Variants in ZNF410 observed in about 807,000 individuals in gnomAD.
ZNF410 encodes another partner for ARF 1.
Under a neutral mutation model 54.8 loss-of-function variants are expected in ZNF410, and 18 were observed. The ratio of observed to expected loss-of-function variants is 0.33; its 90% CI spans 0.23 to 0.49. The LOEUF (loss-of-function observed/expected upper bound fraction) is 0.49. ZNF410 is among the 20% of genes least tolerant of loss of function. The pLI, the probability that ZNF410 is intolerant of heterozygous loss-of-function variation, is 0.99. For missense variants in ZNF410, 405 were observed against 569.6 expected (o/e 0.71, Z 2.94); for synonymous variants, 191 against 207.3 (o/e 0.92, Z 0.68).
chr14:73,894,492 G>GC, intron 3 of ZNF410: 1 of 686,528 alleles, frequency 1.5e-6, no homozygotes, highest in Non-Finnish European at 2.6e-6. Flanking sequence ...CGCAATCTTG[G>GC]CTCACTGCAA....
intron 5 of ZNF410, among the ~76,000 whole-genome samples, chr14:73,901,862 A>T (rs2055412588): frequency 6.6e-6 from 1 of 150,576 alleles, no homozygotes; most frequent in African/African-American, 2.4e-5. Flanking sequence ...TGAGTTGGGG[A>T]GGTCGAGGCT....
Position 73,886,859 on chromosome 14 carries a change from G to T in ZNF410, c.-206G>T, listed in dbSNP as rs554993055. 2 of 153,036 alleles carry T rather than the reference G, an allele frequency of 1.3e-5. No individual in the cohort carries two copies. Among genetic ancestry groups the T allele is most frequent in the Admixed American group, 1.3e-4 (2 of 15,314 alleles). The allele number at this position is 153,036 out of a possible 1,614,324, so 9.5% of individuals were successfully genotyped here. On this transcript the variant is annotated 5_prime_UTR_variant, in exon 1 of 12. Coordinates refer to ENST00000555044, the MANE Select transcript of ZNF410 (RefSeq NM_021188.3). ...CTTCCGGCGGGAGCCGGAAGACGCT[G>T]TGTGTGGACGGAATTCGGGACCGAC...
Position 73,905,033 on chromosome 14 carries a change from A to G in ZNF410, c.863A>G (p.Lys288Arg). 1 of 1,613,992 alleles carries G rather than the reference A, an allele frequency of 6.2e-7. No individual in the cohort carries two copies. Among genetic ancestry groups the G allele is most frequent in the Non-Finnish European group, 8.5e-7 (1 of 1,180,030 alleles). Residue 288 changes from lysine (K) to arginine (R), a missense_variant, in exon 7 of 12, where the codon AAG (lysine) becomes AGG (arginine). Physicochemically the swap from Lys to Arg is conservative, Grantham distance 26 (BLOSUM62 2). Around this residue, in one of 3 missense-constraint regions of ZNF410, gnomAD observed 247 missense variants for 342.8 expected, o/e 0.72. Coordinates refer to ENST00000555044, the MANE Select transcript of ZNF410 (RefSeq NM_021188.3). ...PFMCHESGCG[K>R]QFTTAGNLKN... ...ATGTGCCATGAGTCTGGCTGTGGTA[A>G]GCAGTTTACTACAGCTGGAAACCTG...
At chr14:73,916,253 G>C (rs2055665744) in intron 8 of ZNF410, 1 of 152,126 alleles carries the variant, frequency 6.6e-6, no homozygotes, top group Non-Finnish European at 1.5e-5. Flanking sequence ...TTTTCTATGA[G>C]GGTAATTATA....
At chr14:73,896,987 G>A (rs1358527341) in intron 4 of ZNF410, among the ~76,000 whole-genome samples, 1 of 152,122 alleles carries the variant, frequency 6.6e-6, no homozygotes, top group Non-Finnish European at 1.5e-5. Context: ...AGGCAAGTCT[G>A]GGACCCTGGG....
In ZNF410 at chr14:73,914,188, C is replaced by CT. The variant is rs199568432; in HGVS notation, c.1003+4767dup. 22 of 151,048 alleles carry CT rather than the reference C, an allele frequency of 1.5e-4. No homozygotes were observed. In the East Asian group the frequency reaches 2.5e-3, roughly 17 times the overall value. The allele number at this position is 151,048 out of a possible 1,614,324, so 9.4% of individuals were successfully genotyped here. On this transcript the variant is annotated intron_variant, in intron 8 of 11. Coordinates refer to ENST00000555044, the MANE Select transcript of ZNF410 (RefSeq NM_021188.3). ...GCTGGGACTACAGGCACATGCCCAG[C>CT]TTTTTTTTTGAGTCTCGCTGTGTTG...
chr14:73,894,782 G>T (rs981351264), intron 3 of ZNF410, among the ~76,000 whole-genome samples: 1 of 152,094 alleles, frequency 6.6e-6, no homozygotes, highest in Non-Finnish European at 1.5e-5. Context: ...AAGAGAAGGC[G>T]GTAAGATAGA....
intron 8 of ZNF410, chr14:73,915,717 C>T (rs1363019683): frequency 2.6e-5 from 4 of 152,080 alleles, no homozygotes; most frequent in African/African-American, 9.7e-5. Flanking sequence ...CCTTCTCTTC[C>T]TAGTATGTTG....
chr14:73,892,319 T>A (rs2055242462), intron 2 of ZNF410, 111 bp downstream of exon 2: 1 of 1,040,824 alleles, frequency 9.6e-7, no homozygotes, highest in Admixed American at 2.7e-5. Flanking sequence ...TAATAAATAT[T>A]TTAGGTTTTT....
intron 10 of ZNF410, 62 bp from the exon 11 acceptor site, chr14:73,923,333 G>A: frequency 6.5e-7 from 1 of 1,544,254 alleles, no homozygotes; most frequent in Admixed American, 2.0e-5. Context: ...GAGGCTTAAT[G>A]ATCCAGATAG....
intron 7 of ZNF410, among the ~76,000 whole-genome samples, chr14:73,908,781 T>C (rs1234240097): frequency 6.6e-6 from 1 of 152,200 alleles, no homozygotes; most frequent in African/African-American, 2.4e-5. Context: ...ATGAATTCAT[T>C]TGTCTGTCTC....
At chr14:73,918,058 A>G (rs1198625502) in intron 8 of ZNF410, among the ~76,000 whole-genome samples, 1 of 152,160 alleles carries the variant, frequency 6.6e-6, no homozygotes, top group Non-Finnish European at 1.5e-5. Context: ...TGCTATGTGA[A>G]TAGTTATGCT....
Position 73,904,948 on chromosome 14 carries a change from T to G in ZNF410, c.778T>G (p.Phe260Val). 1 of 1,614,210 alleles carries G rather than the reference T, an allele frequency of 6.2e-7. No homozygotes were observed. Among genetic ancestry groups the G allele is most frequent in the Non-Finnish European group, 8.5e-7 (1 of 1,180,040 alleles). Residue 260 changes from phenylalanine (F) to valine (V), a missense_variant, in exon 7 of 12, where the codon TTC becomes GTC. By Grantham distance (50) the Phe-to-Val change is conservative. Coordinates refer to ENST00000555044, the MANE Select transcript of ZNF410 (RefSeq NM_021188.3). The stretch of plus-strand genomic sequence containing the variant: ...TCCTGCAGAAGGTTGTGGGAAAAGC[T>G]TCTATGTGCTGCAGAGGCTGAAGGT... ...ICPAEGCGKS[F>V]YVLQRLKVHM...
chr14:73,913,858 T>C (rs2055623362), intron 8 of ZNF410: 1 of 152,214 alleles, frequency 6.6e-6, no homozygotes, highest in Admixed American at 6.5e-5. Flanking sequence ...CAAGTGGTAT[T>C]CCCACCTTGG....
chr14:73,905,309 GC>G (rs2055464403), intron 7 of ZNF410: 1 of 427,340 alleles, frequency 2.3e-6, no homozygotes, highest in African/African-American at 2.0e-5. Context: ...GTTTTCAGGA[GC>G]CTAACCTGCA....
intron 4 of ZNF410, 81 bp from the exon 5 acceptor site, chr14:73,897,990 A>AAG: frequency 3.4e-6 from 4 of 1,187,480 alleles, no homozygotes; most frequent in East Asian, 5.0e-5. Flanking sequence ...AAAAAAAAAA[A>AAG]GGGACATGGA....
intron 4 of ZNF410, 67 bp downstream of exon 4, chr14:73,896,601 A>T: frequency 8.5e-7 from 1 of 1,182,262 alleles, no homozygotes; most frequent in Admixed American, 2.2e-5. Context: ...GGCATATTTA[A>T]CTTAGTCATA....
At chr14:73,900,947 A>G (rs2055397164) in intron 5 of ZNF410, among the ~76,000 whole-genome samples, 1 of 152,210 alleles carries the variant, frequency 6.6e-6, no homozygotes, top group South Asian at 2.1e-4. Context: ...AAGATTGGAC[A>G]CCCTTGCACT....
At chr14:73,922,302 C>T (rs2055768245) in intron 10 of ZNF410, 96 bp downstream of exon 10, 1 of 1,288,856 alleles carries the variant, frequency 7.8e-7, no homozygotes, top group Admixed American at 2.3e-5. Flanking sequence ...AATCTCATTT[C>T]TTATGAGTAG....
Sources: allele counts gnomAD v4.1 joint callset (sites outside exome capture counted in the v4.1 genomes callset), GRCh38; gene constraint gnomAD v4.1.1; regional missense constraint gnomAD v4.1.1; transcripts MANE v1.5; gene names NCBI Gene and HGNC (gene_info 2026-07-23, HGNC 2026-07-21).